The following SPTBN2 variants were observed in gnomAD, a reference collection of about 807,000 sequenced individuals.
The protein encoded by SPTBN2 is spectrin beta chain, non-erythrocytic 2.
In SPTBN2, 107 loss-of-function variants were observed where a neutral mutation model predicts 284.2. The ratio of observed to expected loss-of-function variants is 0.38; its 90% CI spans 0.32 to 0.44. The LOEUF (loss-of-function observed/expected upper bound fraction) is 0.44, where lower values mean the gene tolerates loss of function less well. Among genes scored for constraint, SPTBN2 ranks in the 20% least tolerant of loss-of-function variants. The pLI, the probability that SPTBN2 is intolerant of heterozygous loss-of-function variation, is 1.00. For synonymous variants in SPTBN2, 1,289 were observed against 1,354.8 expected (o/e 0.95, Z 1.07); for missense variants, 2,569 against 3,287.1 (o/e 0.78, Z 5.34).
rs757016948 is a variant in SPTBN2, at chr11:66,696,554, C to T, written c.4015-14G>A. ...CTCTCGCCCTTCCTGGAAGGCAGGACAGAAAATGTCAAAGTGCCCAAATTA... is the reference window on the plus strand; with the variant it reads ...CTCTCGCCCTTCCTGGAAGGCAGGATAGAAAATGTCAAAGTGCCCAAATTA... On this transcript the variant is annotated splice_polypyrimidine_tract_variant and intron_variant, in intron 20 of 37. Transcript: ENST00000533211. 1 of 1,609,684 alleles carries T rather than the reference C, an allele frequency of 6.2e-7. No homozygotes were observed. Among genetic ancestry groups the T allele is most frequent in the Non-Finnish European group, 8.5e-7 (1 of 1,180,016 alleles).
chr11:66,729,800 TTTA>T (rs991972263), upstream of SPTBN2, among the ~76,000 whole-genome samples: 6 of 151,958 alleles, frequency 3.9e-5, no homozygotes, highest in Non-Finnish European at 5.9e-5. Context: ...TTTGAGGCTA[TTTA>T]TTATTATTAT....
At chr11:66,694,632 A>T (rs559565471) in intron 21 of SPTBN2, among the ~76,000 whole-genome samples, 1 of 152,330 alleles carries the variant, frequency 6.6e-6, no homozygotes, top group South Asian at 2.1e-4. Flanking sequence ...AGCATCACAC[A>T]ATATAACTTA....
upstream of SPTBN2, among the ~76,000 whole-genome samples, chr11:66,729,977 T>A (rs1455246331): frequency 6.6e-6 from 1 of 152,082 alleles, no homozygotes; most frequent in East Asian, 1.9e-4. Flanking sequence ...AATTTTTGTA[T>A]CTTTAGTAGA....
intron 15 of SPTBN2, 81 bp downstream of exon 15, chr11:66,704,517 T>C: frequency 6.7e-7 from 1 of 1,502,278 alleles, no homozygotes; most frequent in Non-Finnish European, 9.0e-7. Flanking sequence ...AGGAAGTTTA[T>C]GGAGGGACTC....
intron 1 of SPTBN2, among the ~76,000 whole-genome samples, chr11:66,740,218 T>TTCTGACTA (rs1422447865): frequency 6.6e-6 from 1 of 152,054 alleles, no homozygotes; most frequent in Non-Finnish European, 1.5e-5. Context: ...GAACAGGAAG[T>TTCTGACTA]TAGTCAGTAT....
Position 66,693,656 on chromosome 11 carries a change from C to T in SPTBN2, c.4593+116G>A, listed in dbSNP as rs910699644. 1.6e-5 allele frequency: 21 copies of T among 1,308,282 alleles called. No individual in the cohort carries two copies. In the African/African-American group the frequency reaches 3.1e-4, roughly 19 times the overall value. 81.0% of individuals were successfully genotyped at this position (1,308,282 alleles called of 1,614,324 possible). A position where few individuals can be genotyped will look rare whatever the true frequency, so the allele number is the denominator to read the frequency against. ...ACCCTCCCAAGGTGAGGAAAGACAG[C>T]CACTGAAGTCCAGGGTTACACTCAG... On this transcript the variant is annotated intron_variant, in intron 23 of 37. Coordinates refer to ENST00000533211, the MANE Select transcript of SPTBN2 (RefSeq NM_006946.4). The surrounding 1 kb of genome is among the most constrained non-coding windows in gnomAD (Gnocchi z 5.7).
chr11:66,707,876 T>C lies in SPTBN2; in HGVS notation c.1351-58A>G. The C allele has an allele frequency of 1.3e-6, 2 of 1,584,970 alleles. No homozygotes were observed. On this transcript the variant is annotated intron_variant, in intron 12 of 37. Transcript: ENST00000533211. This position sits in a 1 kb window ranked among gnomAD's most constrained non-coding sequence, Gnocchi z 4.9. ...ACCAAGGGACAGTGCCTCTGCCTGC[T>C]CCTCTGTCCTGCAGGGCACTTGGCC...
Position 66,713,686 on chromosome 11 carries a change from A to G in SPTBN2, c.717T>C (p.Asn239=), listed in dbSNP as rs768660817. The change falls in exon 8 of 38, where the codon AAT becomes AAC. Residue 239 remains asparagine (N), a synonymous_variant. Coordinates refer to ENST00000533211, the MANE Select transcript of SPTBN2 (RefSeq NM_006946.4). ...GTTCCTTTTCAGCCAGATTGAATGC[A>G]TTCTGCAGATTATAGTGTGCATTAC... ...KKCNAHYNLQ[N]AFNLAEKELG... The G allele has an allele frequency of 6.2e-7, 1 of 1,614,188 alleles. No homozygotes were observed. Among genetic ancestry groups the G allele is most frequent in the South Asian group, 1.1e-5 (1 of 91,084 alleles).
intron 1 of SPTBN2, among the ~76,000 whole-genome samples, chr11:66,735,233 T>C (rs1351559736): frequency 1.3e-5 from 2 of 151,542 alleles, no homozygotes; most frequent in East Asian, 3.9e-4. Flanking sequence ...CTTGGGAGGC[T>C]GAGGCAGGAG....
intron 1 of SPTBN2, among the ~76,000 whole-genome samples, chr11:66,726,423 G>A (rs1017351994): frequency 6.6e-6 from 1 of 152,192 alleles, no homozygotes. Context: ...CCTGTTCCCG[G>A]GTGACACTGA....
intron 21 of SPTBN2, 128 bp from the exon 22 acceptor site, chr11:66,694,491 T>C: frequency 1.1e-6 from 1 of 930,314 alleles, no homozygotes. Context: ...AGGGAGAGCA[T>C]CCCCTCATGG....
In SPTBN2 at chr11:66,721,111, CAA is replaced by C; in HGVS notation, c.128_129del (p.Phe43Ter). ...GCCAGAGCCTTAATGCGAGACCTCT[CAA>C]AGAGGCGGGCCGAGCTGCTGTCATT... ...WDNDSSSARL[F>X]ERSRIKALAD... On this transcript the variant is annotated frameshift_variant, in exon 3 of 38. Transcript: ENST00000533211. LOFTEE classifies it high-confidence loss of function. 6.2e-7 allele frequency: 1 copy of C among 1,614,208 alleles called. No individual in the cohort carries two copies. The highest frequency in any genetic ancestry group is 8.5e-7 in the Non-Finnish European group (1 of 1,180,036).
rs1220623670 is a variant in SPTBN2 at position 66,683,168 on chromosome 11, C to T, written c.*2703G>A. On this transcript the variant is annotated 3_prime_UTR_variant, in exon 38 of 38. Transcript: ENST00000533211. ...CTGCAAGCTCCGCCTCCCGGGTTCA[C>T]GCCATTCTCCTGCCTCAGCCTCCCA... 7.0e-6 allele frequency among the ~76,000 whole-genome samples: 1 copy of T among 143,370 alleles called. No individual in the cohort carries two copies. The highest frequency in any genetic ancestry group is 1.5e-5 in the Non-Finnish European group (1 of 66,092). 94.1% of individuals were successfully genotyped at this position (143,370 alleles called of 152,430 possible).
chr11:66,701,486 G>A, intron 16 of SPTBN2, 98 bp downstream of exon 16: 1 of 1,594,380 alleles, frequency 6.3e-7, no homozygotes, highest in Non-Finnish European at 8.6e-7. Context: ...TTCCTCCTTT[G>A]TAGCCACCCT....
Position 66,687,619 on chromosome 11 carries a change from C to T in SPTBN2, c.6530G>A (p.Gly2177Glu), listed in dbSNP as rs1469992719. Residue 2177 changes from glycine to glutamate, a missense_variant, in exon 35 of 38, where the codon GGG (glycine) becomes GAG (glutamate). By Grantham distance (98) the Gly-to-Glu change is moderately conservative. Transcript: ENST00000533211. This position sits in a 1 kb window ranked among gnomAD's most constrained non-coding sequence, Gnocchi z 5.2. ...CCGGGTCTGCCTCTCTCCCCGGGGC[C>T]CATTGGCTTCGTCCCCTGAGCCAGG... Reference protein sequence around the residue: ...PGPGSGDEANGPRGERQTRTR... With the variant: ...PGPGSGDEANEPRGERQTRTR... The T allele has an allele frequency of 1.9e-6, 3 of 1,602,806 alleles. No individual in the cohort carries two copies. The highest frequency in any genetic ancestry group is 1.1e-5 in the South Asian group (1 of 90,468).
chr11:66,692,269 G>T (rs997145114), intron 26 of SPTBN2, among the ~76,000 whole-genome samples: 2 of 152,038 alleles, frequency 1.3e-5, no homozygotes, highest in Non-Finnish European at 2.9e-5. Flanking sequence ...GAGATGGGGG[G>T]TCTCACTATG....
At position 66,705,391 on chromosome 11, in the gene SPTBN2, A is replaced by C. The variant is rs544395934; in HGVS notation, c.1885T>G (p.Leu629Val). Residue 629 changes from leucine (L) to valine (V), a missense_variant, in exon 15 of 38, where the codon TTG (leucine) becomes GTG (valine). Coordinates refer to ENST00000533211, the MANE Select transcript of SPTBN2 (RefSeq NM_006946.4). ...AGCCGGGCCCGCCGCGCCGCTGCCA[A>C]CTCGCACAGTGCCTCATAGCTCTGC... Reference protein sequence around the residue: ...LEQSYEALCELAAARRARLEE... With the variant: ...LEQSYEALCEVAAARRARLEE... 1 of 1,612,844 alleles carries C rather than the reference A, an allele frequency of 6.2e-7. No homozygotes were observed. Among genetic ancestry groups the C allele is most frequent in the Non-Finnish European group, 8.5e-7 (1 of 1,179,948 alleles).
Position 66,683,309 on chromosome 11 carries a change from G to A in SPTBN2, c.*2562C>T, listed in dbSNP as rs1172823797. ...TCTCGATCTCCTGACCTCGTGATCC[G>A]CCCGCCTCGGCCTCCCAAAGTGCTG... On this transcript the variant is annotated 3_prime_UTR_variant, in exon 38 of 38. Coordinates refer to ENST00000533211, the MANE Select transcript of SPTBN2 (RefSeq NM_006946.4). Among the ~76,000 whole-genome samples the A allele has an allele frequency of 6.6e-6, 1 of 151,176 alleles. No individual in the cohort carries two copies. Among genetic ancestry groups the A allele is most frequent in the Non-Finnish European group, 1.5e-5 (1 of 67,766 alleles).
chr11:66,738,955 G>A (rs1264343419), intron 1 of SPTBN2, among the ~76,000 whole-genome samples: 3 of 152,038 alleles, frequency 2.0e-5, no homozygotes, highest in Non-Finnish European at 4.4e-5. Flanking sequence ...GGGACTATAG[G>A]TGCTCACCAC....
Sources: allele counts gnomAD v4.1 joint callset (sites outside exome capture counted in the v4.1 genomes callset), GRCh38; gene constraint gnomAD v4.1.1; non-coding constraint Gnocchi (gnomAD v3.1); transcripts MANE v1.5; gene names NCBI Gene and HGNC (gene_info 2026-07-23, HGNC 2026-07-21).